Variants in PRELID2 observed in about 807,000 individuals in gnomAD.
The protein encoded by PRELID2 is PRELI domain containing 2.
A neutral mutation model predicts 28.4 loss-of-function variants in PRELID2; 25 were observed. The observed-to-expected ratio is 0.88, with a 90% CI of 0.64 to 1.23. The LOEUF is 1.23. PRELID2 is among the 50% of genes most tolerant of loss of function. PRELID2 has a pLI of 0.00. For synonymous variants in PRELID2, 76 were observed against 71.6 expected, an observed-to-expected ratio of 1.06 and a Z score of -0.31; for missense variants, 201 against 214.4, an observed-to-expected ratio of 0.94 and a Z score of 0.39.
At chr5:145,286,696 G>GTTTTTTT in the PRELID2 span, among the ~76,000 whole-genome samples, 14 of 116,996 alleles carry the variant, frequency 1.2e-4, no homozygotes, top group African/African-American at 5.1e-4. Flanking sequence ...CAACATAGAA[G>GTTTTTTT]TTTTTGTTTT....
chr5:145,326,205 T>A, the PRELID2 span, among the ~76,000 whole-genome samples: 2 of 152,070 alleles, frequency 1.3e-5, no homozygotes, highest in Non-Finnish European at 2.9e-5. Context: ...GAGGTCTTGG[T>A]ATGTTGCCCA....
chr5:145,262,831 C>A, the PRELID2 span, among the ~76,000 whole-genome samples: 2,770 of 151,728 alleles, frequency 0.018, 42 homozygotes, highest in Middle Eastern at 0.058. Flanking sequence ...AAGAATAGTA[C>A]CTCACATCTC....
chr5:145,672,843 T>G (rs76939718), intron 1 of PRELID2, among the ~76,000 whole-genome samples: 2 of 152,334 alleles, frequency 1.3e-5, no homozygotes, highest in East Asian at 3.9e-4. Flanking sequence ...ATTTTTCTTC[T>G]AGCTTTGAGT....
At chr5:145,302,952 A>G in the PRELID2 span, among the ~76,000 whole-genome samples, 98 of 152,276 alleles carry the variant, frequency 6.4e-4, no homozygotes, top group African/African-American at 2.2e-3. Flanking sequence ...GGATTTGGGG[A>G]GCATAACACA....
At chr5:145,727,031 G>A (rs1326438886) in intron 1 of PRELID2, among the ~76,000 whole-genome samples, 2 of 152,204 alleles carry the variant, frequency 1.3e-5, no homozygotes, top group Admixed American at 6.5e-5. Flanking sequence ...ACGTGAGTAT[G>A]GAGGCTGTGA....
At chr5:145,376,894 C>T in the PRELID2 span, among the ~76,000 whole-genome samples, 8 of 151,560 alleles carry the variant, frequency 5.3e-5, no homozygotes, top group East Asian at 1.9e-4. Context: ...TCTTTTAGTT[C>T]GTCTCTGATT....
chr5:145,809,071 G>A (rs1169233861), intron 4 of PRELID2, among the ~76,000 whole-genome samples: 1 of 114,636 alleles, frequency 8.7e-6, no homozygotes, highest in Non-Finnish European at 1.6e-5. Flanking sequence ...CATGGTCTCT[G>A]TCACCCAGGC....
At chr5:145,741,938 AATAAATAAAT>A (rs1756804121) in intron 1 of PRELID2, among the ~76,000 whole-genome samples, 3 of 37,766 alleles carry the variant, frequency 7.9e-5, no homozygotes, top group African/African-American at 2.0e-4. Context: ...ATTTATTATA[AATAAATAAAT>A]TTATTATAAT....
chr5:145,554,402 T>C (rs1200920622), intron 1 of PRELID2, among the ~76,000 whole-genome samples: 1 of 152,162 alleles, frequency 6.6e-6, no homozygotes, highest in Non-Finnish European at 1.5e-5. Flanking sequence ...AGATGCATAA[T>C]GACAGAAGGA....
At position 145,835,159 on chromosome 5, in the gene PRELID2, G is replaced by T; in HGVS notation, c.75+18C>A. 1 of 1,534,628 alleles carries T rather than the reference G, an allele frequency of 6.5e-7. No individual in the cohort carries two copies. The highest frequency in any genetic ancestry group is 2.5e-5 in the East Asian group (1 of 40,586). On this transcript the variant is annotated intron_variant, in intron 1 of 6. Transcript: ENST00000683046. ...GCGGAGGCAGCGCGGGATACGGAAG[G>T]TGGAAGCGGGGCGGTACCTTTCGGA...
the PRELID2 span, among the ~76,000 whole-genome samples, chr5:145,464,585 G>A: frequency 6.6e-6 from 1 of 152,168 alleles, no homozygotes; most frequent in African/African-American, 2.4e-5. Flanking sequence ...TTAATACTGT[G>A]TATTCACCTT....
At chr5:145,740,689 ATAT>A (rs70998032) in intron 1 of PRELID2, among the ~76,000 whole-genome samples, 91,288 of 110,464 alleles carry the variant, frequency 0.83, 38,201 homozygotes, top group East Asian at 0.88. Context: ...TATATTTAAT[ATAT>A]TATTTATATT....
chr5:145,562,681 C>T (rs531365447), intron 1 of PRELID2, among the ~76,000 whole-genome samples: 1 of 151,950 alleles, frequency 6.6e-6, no homozygotes, highest in Admixed American at 6.5e-5. Flanking sequence ...TAAGCATTTG[C>T]ACTGAGGCAA....
At chr5:145,573,077 C>A (rs1341996551) in intron 1 of PRELID2, among the ~76,000 whole-genome samples, 1 of 152,114 alleles carries the variant, frequency 6.6e-6, no homozygotes, top group East Asian at 1.9e-4. Flanking sequence ...CTTCTGAGGT[C>A]TCTACTTAAC....
At chr5:145,745,633 C>T (rs13174021) in intron 1 of PRELID2, among the ~76,000 whole-genome samples, 3 of 151,660 alleles carry the variant, frequency 2.0e-5, no homozygotes, top group South Asian at 2.1e-4. Flanking sequence ...AGGCCGAGGA[C>T]GGCAGATCAC....
At chr5:145,547,623 T>C (rs998090094) in intron 1 of PRELID2, among the ~76,000 whole-genome samples, 3 of 152,188 alleles carry the variant, frequency 2.0e-5, no homozygotes, top group Non-Finnish European at 4.4e-5. Flanking sequence ...TGATGTCTGA[T>C]AAGATTTTTG....
intron 1 of PRELID2, among the ~76,000 whole-genome samples, chr5:145,474,104 G>GT (rs1393244601): frequency 1.3e-5 from 2 of 152,166 alleles, no homozygotes; most frequent in African/African-American, 4.8e-5. Flanking sequence ...AATCCAGAGT[G>GT]TTACGCCCAC....
chr5:145,277,876 G>C, the PRELID2 span, among the ~76,000 whole-genome samples: 1 of 152,034 alleles, frequency 6.6e-6, no homozygotes, highest in Non-Finnish European at 1.5e-5. Context: ...CTTCCCTCTA[G>C]GCCACCCTGT....
At chr5:145,501,445 T>A (rs1181119275) in intron 1 of PRELID2, among the ~76,000 whole-genome samples, 1 of 152,148 alleles carries the variant, frequency 6.6e-6, no homozygotes, top group East Asian at 1.9e-4. Context: ...GTAGATCCCA[T>A]AATTCTCATG....
Sources: allele counts gnomAD v4.1 joint callset (sites outside exome capture counted in the v4.1 genomes callset), GRCh38; gene constraint gnomAD v4.1.1; transcripts MANE v1.5; gene names NCBI Gene and HGNC (gene_info 2026-07-23, HGNC 2026-07-21).